The following RALGPS1 variants were observed in gnomAD, a reference collection of about 807,000 sequenced individuals.
RALGPS1 encodes Ral GEF with PH domain and SH3 binding motif 1.
A neutral mutation model predicts 78.8 loss-of-function variants in RALGPS1; 19 were observed. The ratio of observed to expected loss-of-function variants is 0.24; its 90% CI spans 0.17 to 0.35. RALGPS1 has a LOEUF of 0.35. Among genes scored for constraint, RALGPS1 ranks in the 10% least tolerant of loss-of-function variants. RALGPS1 has a pLI of 1.00. For synonymous variants in RALGPS1, 228 were observed against 256.3 expected (o/e 0.89, Z 1.06); for missense variants, 454 against 688.3 (o/e 0.66, Z 3.81).
At chr9:126,974,855 A>G (rs1444470240) in intron 3 of RALGPS1, among the ~76,000 whole-genome samples, 1 of 152,068 alleles carries the variant, frequency 6.6e-6, no homozygotes. Flanking sequence ...CCAGGAAACC[A>G]AGGTACCTCT....
At chr9:127,109,077 A>T (rs1286587386) in intron 8 of RALGPS1, among the ~76,000 whole-genome samples, 1 of 152,162 alleles carries the variant, frequency 6.6e-6, no homozygotes, top group African/African-American at 2.4e-5. Context: ...CCCCTTGCTG[A>T]ACTCCTGGCC....
chr9:126,931,458 G>A (rs2131140145), intron 1 of RALGPS1, among the ~76,000 whole-genome samples: 1 of 152,330 alleles, frequency 6.6e-6, no homozygotes. Flanking sequence ...ATAAACTACT[G>A]TTTCATGCCT....
intron 8 of RALGPS1, among the ~76,000 whole-genome samples, chr9:127,092,195 A>G (rs1442621087): frequency 1.3e-5 from 2 of 152,162 alleles, no homozygotes; most frequent in African/African-American, 2.4e-5. Flanking sequence ...GGGAGGCTAT[A>G]TTACCTTCCC....
At position 127,212,924 on chromosome 9, in the gene RALGPS1, G is replaced by A. The variant is rs759948395; in HGVS notation, c.1447-20G>A. ...GAGGGCTGGGCCCCGGTCTCCGGATGTGTTGTTGCTCTCCTCCAGTATAAA... is the reference window on the plus strand; with the variant it reads ...GAGGGCTGGGCCCCGGTCTCCGGATATGTTGTTGCTCTCCTCCAGTATAAA... On this transcript the variant is annotated intron_variant, in intron 16 of 18. Transcript: ENST00000259351. This position sits in a 1 kb window ranked among gnomAD's most constrained non-coding sequence, Gnocchi z 6.0. 1.9e-6 allele frequency: 3 copies of A among 1,614,130 alleles called. No homozygotes were observed. Among genetic ancestry groups the A allele is most frequent in the Non-Finnish European group, 2.5e-6 (3 of 1,180,010 alleles).
intron 11 of RALGPS1, among the ~76,000 whole-genome samples, chr9:127,181,503 T>C (rs2060217993): frequency 6.6e-6 from 1 of 152,196 alleles, no homozygotes; most frequent in Admixed American, 6.5e-5. Context: ...GCTCCATATA[T>C]CCGTATAGTG....
intron 4 of RALGPS1, among the ~76,000 whole-genome samples, chr9:127,014,140 C>T (rs2044606032): frequency 6.6e-6 from 1 of 152,140 alleles, no homozygotes; most frequent in African/African-American, 2.4e-5. Context: ...ACAGAGCAGC[C>T]CGGGCCTGAG....
At chr9:126,920,987 AGT>A (rs1475267623) in intron 1 of RALGPS1, among the ~76,000 whole-genome samples, 1 of 152,200 alleles carries the variant, frequency 6.6e-6, no homozygotes, top group Non-Finnish European at 1.5e-5. Flanking sequence ...GATTTGGTAA[AGT>A]GGGGATAGCA....
At chr9:127,154,629 A>C (rs1007696363) in intron 8 of RALGPS1, among the ~76,000 whole-genome samples, 7 of 152,216 alleles carry the variant, frequency 4.6e-5, no homozygotes, top group Non-Finnish European at 1.0e-4. Context: ...AGGGATTGAT[A>C]ATTGAGGTTT....
At chr9:127,019,939 C>T (rs1442575477) in intron 4 of RALGPS1, among the ~76,000 whole-genome samples, 1 of 152,130 alleles carries the variant, frequency 6.6e-6, no homozygotes, top group Non-Finnish European at 1.5e-5. Context: ...TTTAAAATCT[C>T]AGATGAATGT....
chr9:127,116,486 C>T (rs961489057), intron 8 of RALGPS1, among the ~76,000 whole-genome samples: 16 of 152,180 alleles, frequency 1.1e-4, no homozygotes, highest in African/African-American at 3.1e-4. Flanking sequence ...AGAGCAGAGG[C>T]GGGGAAGAGT....
intron 4 of RALGPS1, among the ~76,000 whole-genome samples, chr9:126,990,847 C>T (rs1303966400): frequency 2.6e-5 from 4 of 152,214 alleles, no homozygotes; most frequent in East Asian, 1.9e-4. Flanking sequence ...TCCCTGACTC[C>T]TGTGATCTAA....
chr9:127,082,033 C>T (rs1564541404), intron 8 of RALGPS1, among the ~76,000 whole-genome samples: 1 of 152,160 alleles, frequency 6.6e-6, no homozygotes, highest in Non-Finnish European at 1.5e-5. Flanking sequence ...AGGCAGAATC[C>T]CAGACTAGGG....
intron 3 of RALGPS1, among the ~76,000 whole-genome samples, chr9:126,972,782 C>T (rs965087065): frequency 1.3e-5 from 2 of 152,104 alleles, no homozygotes; most frequent in Non-Finnish European, 2.9e-5. Context: ...AAGTACATAT[C>T]GGCTGGGGCA....
At chr9:127,015,671 G>A (rs150216735) in intron 4 of RALGPS1, among the ~76,000 whole-genome samples, 88 of 152,262 alleles carry the variant, frequency 5.8e-4, no homozygotes, top group African/African-American at 2.0e-3. Context: ...TGCCTCTTTG[G>A]TATCTGATCA....
chr9:126,992,716 T>C (rs1163260132), intron 4 of RALGPS1, among the ~76,000 whole-genome samples: 1 of 152,244 alleles, frequency 6.6e-6, no homozygotes. Flanking sequence ...AGGTCTTCTC[T>C]AATTTATTTT....
chr9:126,973,363 C>A (rs2040302438), intron 3 of RALGPS1, among the ~76,000 whole-genome samples: 1 of 152,122 alleles, frequency 6.6e-6, no homozygotes. Flanking sequence ...AGGTAAGACA[C>A]TCTCTCTAAA....
chr9:127,085,503 C>G (rs1406409521), intron 8 of RALGPS1, among the ~76,000 whole-genome samples: 1 of 152,164 alleles, frequency 6.6e-6, no homozygotes. Context: ...GCTCTTCTTC[C>G]ATGCCACCAG....
chr9:127,218,299 C>T lies in RALGPS1; in HGVS notation c.1645-441C>T, dbSNP rs138005673. 2.6e-4 allele frequency among the ~76,000 whole-genome samples: 39 copies of T among 152,268 alleles called. No homozygotes were observed. The highest frequency in any genetic ancestry group is 1.2e-3 in the South Asian group (6 of 4,816). The stretch of plus-strand genomic sequence containing the variant: ...ACTCTTTCTCCCATGCTTCCCTTTG[C>T]CAACTCCAGCCACCCACCCTCTGCA... On this transcript the variant is annotated intron_variant, in intron 18 of 18. Transcript: ENST00000259351. This position sits in a 1 kb window ranked among gnomAD's most constrained non-coding sequence, Gnocchi z 4.4.
intron 4 of RALGPS1, among the ~76,000 whole-genome samples, chr9:127,008,563 C>T (rs2044067777): frequency 2.0e-5 from 3 of 152,020 alleles, no homozygotes; most frequent in Admixed American, 6.5e-5. Context: ...TCCCTAGTTG[C>T]CTAGAATCCT....
Sources: gnomAD v4.1 joint callset for allele counts (sites outside exome capture counted in the v4.1 genomes callset) on GRCh38, gnomAD v4.1.1 for gene constraint, Gnocchi (gnomAD v3.1) non-coding constraint, MANE v1.5 for transcripts, NCBI Gene and HGNC (gene_info 2026-07-23, HGNC 2026-07-21) for gene names.